The following ST8SIA3 variants were observed in gnomAD, a reference collection of about 807,000 sequenced individuals.
ST8SIA3 encodes ST8 alpha-N-acetyl-neuraminide alpha-2,8-sialyltransferase 3.
A neutral mutation model predicts 34.5 loss-of-function variants in ST8SIA3; 17 were observed. The observed-to-expected ratio is 0.49, with a 90% CI of 0.34 to 0.74. The LOEUF (loss-of-function observed/expected upper bound fraction) is 0.74. Among genes scored for constraint, ST8SIA3 ranks in the 30% least tolerant of loss-of-function variants. The pLI is 0.01. For synonymous variants in ST8SIA3, 172 were observed against 176.1 expected (o/e 0.98, Z 0.19); for missense variants, 354 against 467.8 (o/e 0.76, Z 2.24).
chr18:57,353,080 G>A, intron 1 of ST8SIA3, 55 bp downstream of exon 1: 1 of 1,580,114 alleles, frequency 6.3e-7, no homozygotes, highest in Non-Finnish European at 8.6e-7. Flanking sequence ...TGGGGTGTTT[G>A]GGGAAGGGAA....
Position 57,352,987 on chromosome 18 carries a change from G to T in ST8SIA3, c.141G>T (p.Pro47=), listed in dbSNP as rs139944275. ...TCACCACTCCCAAGTACGCCAGCCC[G>T]GGGGCGCCCCGAATGTACATGTTCC... ...NIFTTPKYAS[P]GAPRMYMFHA... The change falls in exon 1 of 4, where the codon CCG becomes CCT. Residue 47 remains proline, a synonymous_variant. Coordinates refer to ENST00000324000, the MANE Select transcript of ST8SIA3 (RefSeq NM_015879.3). 3.1e-6 allele frequency: 5 copies of T among 1,611,190 alleles called. No individual in the cohort carries two copies. The East Asian group carries it at 1.1e-4, about 36-fold the overall frequency.
chr18:57,366,298 T>C lies in ST8SIA3; in HGVS notation c.*6021T>C, dbSNP rs2049860184. 6.6e-6 allele frequency: 1 copy of C among 152,570 alleles called. No homozygotes were observed. Among genetic ancestry groups the C allele is most frequent in the African/African-American group, 2.4e-5 (1 of 41,444 alleles). The allele number at this position is 152,570 out of a possible 1,614,324, so 9.5% of individuals were successfully genotyped here. ...AAGAGCATATTATTGGATCCCAAGG[T>C]GTTCAAATATTCCACGTGACTCTTA... is the stretch of plus-strand genomic sequence containing the variant. On this transcript the variant is annotated 3_prime_UTR_variant, in exon 4 of 4. Coordinates refer to ENST00000324000, the MANE Select transcript of ST8SIA3 (RefSeq NM_015879.3).
At chr18:57,353,630 C>A (rs1030877458) in intron 1 of ST8SIA3, among the ~76,000 whole-genome samples, 1 of 152,134 alleles carries the variant, frequency 6.6e-6, no homozygotes, top group Admixed American at 6.5e-5. Flanking sequence ...CCGCCCCCTG[C>A]GGGAAGCGAG....
At position 57,362,105 on chromosome 18, in the gene ST8SIA3, CACATT is replaced by C. The variant is rs1372693397; in HGVS notation, c.*1832_*1836del. 1 of 152,202 alleles carries C rather than the reference CACATT, an allele frequency of 6.6e-6. No homozygotes were observed. Among genetic ancestry groups the C allele is most frequent in the Non-Finnish European group, 1.5e-5 (1 of 68,032 alleles). The allele number at this position is 152,202 out of a possible 1,614,324, so 9.4% of individuals were successfully genotyped here. On this transcript the variant is annotated 3_prime_UTR_variant, in exon 4 of 4. Coordinates refer to ENST00000324000, the MANE Select transcript of ST8SIA3 (RefSeq NM_015879.3). Reference sequence around the variant, plus strand: ...TTCAAATGTGTTACCAATTATGACACACATTACAATATAATTATAAGGGGAGACAT... The same window carrying C: ...TTCAAATGTGTTACCAATTATGACACACAATATAATTATAAGGGGAGACAT...
intron 1 of ST8SIA3, among the ~76,000 whole-genome samples, chr18:57,353,562 A>G (rs28674857): frequency 0.28 from 42,480 of 151,910 alleles, 7,235 homozygotes; most frequent in East Asian, 0.5. Context: ...GTTCTCTCTC[A>G]ACCCTTTCCC....
rs1366968890 is a variant in ST8SIA3 at position 57,365,053 on chromosome 18, G to A, written c.*4776G>A. The A allele has an allele frequency of 6.6e-6, 1 of 152,084 alleles. No homozygotes were observed. Among genetic ancestry groups the A allele is most frequent in the East Asian group, 1.9e-4 (1 of 5,184 alleles). 9.4% of individuals were successfully genotyped at this position (152,084 alleles called of 1,614,324 possible). A position where few individuals can be genotyped will look rare whatever the true frequency, so the allele number is the denominator to read the frequency against. On this transcript the variant is annotated 3_prime_UTR_variant, in exon 4 of 4. Coordinates refer to ENST00000324000, the MANE Select transcript of ST8SIA3 (RefSeq NM_015879.3). Reference sequence around the variant, plus strand: ...GGGTTAGGACCCGGATTATGCAGCTGATCTCCCAGCAAACACAGCTGTATG... The same window carrying A: ...GGGTTAGGACCCGGATTATGCAGCTAATCTCCCAGCAAACACAGCTGTATG...
rs2049856343 is a variant in ST8SIA3, at chr18:57,365,627, C to G, written c.*5350C>G. On this transcript the variant is annotated 3_prime_UTR_variant, in exon 4 of 4. Transcript: ENST00000324000. ...CATTCCCAGAGCCTAAAATATTTAT[C>G]TAAGGGGTCTGATTTATCAACCTCA... The G allele has an allele frequency of 6.6e-6, 1 of 152,182 alleles. No individual in the cohort carries two copies. Among genetic ancestry groups the G allele is most frequent in the African/African-American group, 2.4e-5 (1 of 41,444 alleles). The allele number at this position is 152,182 out of a possible 1,614,324, so 9.4% of individuals were successfully genotyped here.
intron 2 of ST8SIA3, 69 bp from the exon 3 acceptor site, chr18:57,356,844 C>A (rs2049800365): frequency 4.0e-6 from 4 of 988,162 alleles, no homozygotes; most frequent in Non-Finnish European, 6.0e-6. Flanking sequence ...GAAATGTCAG[C>A]ATAAGTCATA....
At chr18:57,354,284 C>A in intron 1 of ST8SIA3, 118 bp from the exon 2 acceptor site, 2 of 1,317,128 alleles carry the variant, frequency 1.5e-6, no homozygotes, top group Non-Finnish European at 2.1e-6. Flanking sequence ...GGCTCCGGGA[C>A]GGAACGGAGC....
In ST8SIA3 at chr18:57,360,997, G is replaced by A. The variant is rs1029968704; in HGVS notation, c.*720G>A. 5 of 152,350 alleles carry A rather than the reference G, an allele frequency of 3.3e-5. No individual in the cohort carries two copies. The East Asian group carries it at 5.8e-4, about 18-fold the overall frequency. The allele number at this position is 152,350 out of a possible 1,614,324, so 9.4% of individuals were successfully genotyped here. A position where few individuals can be genotyped will look rare whatever the true frequency, so the allele number is the denominator to read the frequency against. The stretch of plus-strand genomic sequence containing the variant: ...GATGCAGTCCTCACCAGTCCATTCA[G>A]TCATTCTACAGCAAGATGGTCCCTC... On this transcript the variant is annotated 3_prime_UTR_variant, in exon 4 of 4. Coordinates refer to ENST00000324000, the MANE Select transcript of ST8SIA3 (RefSeq NM_015879.3).
At position 57,362,628 on chromosome 18, in the gene ST8SIA3, C is replaced by A. The variant is rs927183349; in HGVS notation, c.*2351C>A. 6.6e-6 allele frequency: 1 copy of A among 152,088 alleles called. No individual in the cohort carries two copies. Among genetic ancestry groups the A allele is most frequent in the African/African-American group, 2.4e-5 (1 of 41,392 alleles). 9.4% of individuals were successfully genotyped at this position (152,088 alleles called of 1,614,324 possible). Reference sequence around the variant, plus strand: ...AGTGGGAGGACTTTCCCATCCCCCACCACCGTGTTATCTATCACTTTAATG... The same window carrying A: ...AGTGGGAGGACTTTCCCATCCCCCAACACCGTGTTATCTATCACTTTAATG... On this transcript the variant is annotated 3_prime_UTR_variant, in exon 4 of 4. Coordinates refer to ENST00000324000, the MANE Select transcript of ST8SIA3 (RefSeq NM_015879.3).
Position 57,357,229 on chromosome 18 carries a change from C to G in ST8SIA3, c.619C>G (p.Leu207Val), listed in dbSNP as rs1471225990. 1.2e-6 allele frequency: 2 copies of G among 1,614,184 alleles called. No individual in the cohort carries two copies. The highest frequency in any genetic ancestry group is 1.7e-6 in the Non-Finnish European group (2 of 1,180,010). ...FQRDVGRKTN[L>V]TTFNPSILEK... Reference sequence around the variant, plus strand: ...AAGAGATGTTGGAAGAAAAACCAATCTTACCACCTTCAACCCCAGCATCCT... The same window carrying G: ...AAGAGATGTTGGAAGAAAAACCAATGTTACCACCTTCAACCCCAGCATCCT... Residue 207 changes from leucine to valine, a missense_variant, in exon 3 of 4, where the codon CTT (leucine) becomes GTT (valine). Leu to Val is a conservative substitution (Grantham distance 32, BLOSUM62 1). Around this residue, in one of 3 missense-constraint regions of ST8SIA3, gnomAD observed 166 missense variants for 245.2 expected, o/e 0.68. Coordinates refer to ENST00000324000, the MANE Select transcript of ST8SIA3 (RefSeq NM_015879.3).
chr18:57,359,751 C>T (rs2049819049), intron 3 of ST8SIA3, among the ~76,000 whole-genome samples: 1 of 152,224 alleles, frequency 6.6e-6, no homozygotes. Context: ...ATACTTTGCT[C>T]TTGCACTCGA....
chr18:57,353,450 G>A (rs1318320863), intron 1 of ST8SIA3, among the ~76,000 whole-genome samples: 1 of 152,228 alleles, frequency 6.6e-6, no homozygotes, highest in African/African-American at 2.4e-5. Context: ...CGGTGCTGGC[G>A]GTTTAATGGC....
Position 57,352,659 on chromosome 18 carries a change from C to T in ST8SIA3, c.-188C>T, listed in dbSNP as rs2049769476. 2.1e-6 allele frequency: 1 copy of T among 466,820 alleles called. No homozygotes were observed. The allele number at this position is 466,820 out of a possible 1,614,324, so 28.9% of individuals were successfully genotyped here. The stretch of plus-strand genomic sequence containing the variant: ...CGCTGCTCTCCGGGGCTCCTGCCAG[C>T]CCCAACCCCCGGCCCCGGTGGCCTC... On this transcript the variant is annotated 5_prime_UTR_variant, in exon 1 of 4. Coordinates refer to ENST00000324000, the MANE Select transcript of ST8SIA3 (RefSeq NM_015879.3).
chr18:57,359,594 G>A (rs2049818068), intron 3 of ST8SIA3, among the ~76,000 whole-genome samples: 1 of 152,048 alleles, frequency 6.6e-6, no homozygotes, highest in Non-Finnish European at 1.5e-5. Context: ...CATTCTTTTT[G>A]GTGGCCTTCT....
In ST8SIA3 at chr18:57,366,613, C is replaced by T. The variant is rs150958343; in HGVS notation, c.*6336C>T. On this transcript the variant is annotated 3_prime_UTR_variant, in exon 4 of 4. Transcript: ENST00000324000. ...GGGGAAGAACAAGGCACCCAGTAAGCTCACTTGGCTCTACATATCTGGAAA... is the reference window on the plus strand; with the variant it reads ...GGGGAAGAACAAGGCACCCAGTAAGTTCACTTGGCTCTACATATCTGGAAA... The T allele has an allele frequency of 2.3e-4, 35 of 152,320 alleles. No individual in the cohort carries two copies. The East Asian group carries it at 6.7e-3, about 29-fold the overall frequency. The allele number at this position is 152,320 out of a possible 1,614,324, so 9.4% of individuals were successfully genotyped here.
At position 57,360,360 on chromosome 18, in the gene ST8SIA3, G is replaced by A; in HGVS notation, c.*83G>A. The stretch of plus-strand genomic sequence containing the variant: ...ATAGCCTTCAGAATAGAACCCTAGA[G>A]AATGTCTTATAAGGATTGTCTGCCA... On this transcript the variant is annotated 3_prime_UTR_variant, in exon 4 of 4. Transcript: ENST00000324000. 7.6e-7 allele frequency: 1 copy of A among 1,312,912 alleles called. No homozygotes were observed. The highest frequency in any genetic ancestry group is 1.0e-6 in the Non-Finnish European group (1 of 959,278). 81.3% of individuals were successfully genotyped at this position (1,312,912 alleles called of 1,614,324 possible). A position where few individuals can be genotyped will look rare whatever the true frequency, so the allele number is the denominator to read the frequency against.
intron 3 of ST8SIA3, among the ~76,000 whole-genome samples, chr18:57,359,357 A>T (rs989078886): frequency 1.3e-5 from 2 of 152,162 alleles, no homozygotes; most frequent in Non-Finnish European, 2.9e-5. Context: ...AGCATGCCAG[A>T]TTGTGGCATG....
Sources: allele counts gnomAD v4.1 joint callset (sites outside exome capture counted in the v4.1 genomes callset), GRCh38; gene constraint gnomAD v4.1.1; regional missense constraint gnomAD v4.1.1; transcripts MANE v1.5; gene names NCBI Gene and HGNC (gene_info 2026-07-23, HGNC 2026-07-21).